Variants in PLCH1 observed in about 807,000 individuals in gnomAD.
PLCH1 encodes the protein 1-phosphatidylinositol 4,5-bisphosphate phosphodiesterase eta-1.
Under a neutral mutation model 126.7 loss-of-function variants are expected in PLCH1, and 60 were observed. The ratio of observed to expected loss-of-function variants is 0.47; its 90% CI spans 0.38 to 0.59. The LOEUF (loss-of-function observed/expected upper bound fraction) is 0.59, where lower values mean the gene tolerates loss of function less well. Among genes scored for constraint, PLCH1 ranks in the 20% least tolerant of loss-of-function variants. PLCH1 has a pLI of 0.00. For synonymous variants in PLCH1, 719 were observed against 734.9 expected (o/e 0.98, Z 0.35); for missense variants, 1,723 against 2,040.0 (o/e 0.84, Z 2.99).
chr3:155,690,017 T>A, intron 2 of PLCH1, among the ~76,000 whole-genome samples: 1 of 132,800 alleles, frequency 7.5e-6, no homozygotes, highest in African/African-American at 2.8e-5. Flanking sequence ...GAAGAAAGGA[T>A]CCTAAAAGCA....
intron 6 of PLCH1, among the ~76,000 whole-genome samples, chr3:155,571,909 C>A (rs780153633): frequency 5.3e-5 from 8 of 152,144 alleles, no homozygotes; most frequent in African/African-American, 7.2e-5. Flanking sequence ...TCCAAGTATG[C>A]GAATGTTGAA....
chr3:155,648,932 G>C (rs73007026), intron 2 of PLCH1, among the ~76,000 whole-genome samples: 2,770 of 152,306 alleles, frequency 0.018, 87 homozygotes, highest in African/African-American at 0.063. Context: ...CAATGCCCAG[G>C]GAGGGGAGGC....
rs2108115787 is a variant in PLCH1, at chr3:155,497,437, G to A, written c.1797-20C>T. On this transcript the variant is annotated intron_variant, in intron 14 of 22. Coordinates refer to ENST00000460012, the MANE Select transcript of PLCH1 (RefSeq NM_014996.4). Reference sequence around the variant, plus strand: ...CCCAATCTGTGAAGTACCCACAGAGGATGCATGACATTTTGGAGTTGAAAG... The same window carrying A: ...CCCAATCTGTGAAGTACCCACAGAGAATGCATGACATTTTGGAGTTGAAAG... 1 of 1,526,048 alleles carries A rather than the reference G, an allele frequency of 6.6e-7. No individual in the cohort carries two copies. The highest frequency in any genetic ancestry group is 1.4e-5 in the African/African-American group (1 of 73,264). 94.5% of individuals were successfully genotyped at this position (1,526,048 alleles called of 1,614,324 possible).
chr3:155,598,733 T>A (rs899398767), intron 2 of PLCH1, among the ~76,000 whole-genome samples: 1 of 152,090 alleles, frequency 6.6e-6, no homozygotes, highest in Non-Finnish European at 1.5e-5. Flanking sequence ...TCCTTATCTA[T>A]AAAATGGGAA....
At chr3:155,527,682 G>A (rs1722135604) in intron 10 of PLCH1, among the ~76,000 whole-genome samples, 1 of 151,720 alleles carries the variant, frequency 6.6e-6, no homozygotes, top group African/African-American at 2.4e-5. Context: ...TTGGGAGGCC[G>A]AGGGAGATTG....
intron 6 of PLCH1, among the ~76,000 whole-genome samples, 167 bp from the exon 7 acceptor site, chr3:155,568,491 C>T (rs1728801055): frequency 6.6e-6 from 1 of 152,116 alleles, no homozygotes; most frequent in South Asian, 2.1e-4. Context: ...GGAGAATGAC[C>T]ATGATTCAAT....
At position 155,470,444 on chromosome 3, in the gene PLCH1, A is replaced by G. The variant is rs370820879; in HGVS notation, c.2938+14912T>C. Among the ~76,000 whole-genome samples, 432 of 152,246 alleles carry G rather than the reference A, an allele frequency of 2.8e-3. 3 individuals carry two copies. Among genetic ancestry groups the G allele is most frequent in the African/African-American group, 1.0e-2 (414 of 41,550 alleles). On this transcript the variant is annotated intron_variant, in intron 21 of 21. Transcript: ENST00000494598. Reference sequence around the variant, plus strand: ...GACTATGTGAAAAGACCAAATCTACATCTGATTGGTGTACCTGAAAGTGAT... The same window carrying G: ...GACTATGTGAAAAGACCAAATCTACGTCTGATTGGTGTACCTGAAAGTGAT...
chr3:155,696,485 T>C (rs979275990), intron 2 of PLCH1, among the ~76,000 whole-genome samples: 5 of 152,144 alleles, frequency 3.3e-5, no homozygotes, highest in Admixed American at 1.3e-4. Context: ...AGATTTTTCA[T>C]CCTCCCATCA....
chr3:155,485,797 G>A (rs1714985063), intron 21 of PLCH1, 87 bp from the exon 22 acceptor site: 2 of 781,838 alleles, frequency 2.6e-6, no homozygotes, highest in Non-Finnish European at 4.1e-6. Context: ...CATGAAAAAT[G>A]AATATAAACC....
chr3:155,718,602 CA>C (rs1343225950), intron 1 of PLCH1, among the ~76,000 whole-genome samples: 1 of 152,108 alleles, frequency 6.6e-6, no homozygotes, highest in Non-Finnish European at 1.5e-5. Flanking sequence ...GAAGGTGAAG[CA>C]AAAGCAGGTG....
chr3:155,622,391 G>A (rs1292289264), intron 2 of PLCH1, among the ~76,000 whole-genome samples: 2 of 152,122 alleles, frequency 1.3e-5, no homozygotes, highest in Non-Finnish European at 2.9e-5. Flanking sequence ...ATGATGACAG[G>A]ATCAAATTCA....
At chr3:155,711,209 A>G (rs1160912519) in intron 1 of PLCH1, among the ~76,000 whole-genome samples, 1 of 152,202 alleles carries the variant, frequency 6.6e-6, no homozygotes, top group Non-Finnish European at 1.5e-5. Flanking sequence ...CATGCAGCAA[A>G]TGGACTAAAA....
At chr3:155,704,385 CCA>C in intron 1 of PLCH1, 121 bp from the exon 2 acceptor site, 1 of 396,242 alleles carries the variant, frequency 2.5e-6, no homozygotes, top group Non-Finnish European at 4.4e-6. Flanking sequence ...TACAACTTCT[CCA>C]CACATGGAGC....
intron 9 of PLCH1, among the ~76,000 whole-genome samples, chr3:155,553,510 C>T (rs573355016): frequency 1.1e-3 from 166 of 152,058 alleles, no homozygotes; most frequent in African/African-American, 3.4e-3. Flanking sequence ...CCTTAGAAAA[C>T]AGTTAACCAT....
chr3:155,710,685 T>G (rs1374927797), intron 1 of PLCH1, among the ~76,000 whole-genome samples: 1 of 151,932 alleles, frequency 6.6e-6, no homozygotes, highest in African/African-American at 2.4e-5. Context: ...ATATAAAAAT[T>G]AGCCAGTCGT....
At chr3:155,521,786 A>AAATATTTCTCC (rs11273165) in intron 11 of PLCH1, among the ~76,000 whole-genome samples, 59,605 of 151,696 alleles carry the variant, frequency 0.39, 15,133 homozygotes, top group African/African-American at 0.72. Context: ...AAACAATTTG[A>AAATATTTCTCC]AATATTTCTC....
intron 2 of PLCH1, among the ~76,000 whole-genome samples, chr3:155,598,918 G>A (rs1733348074): frequency 6.6e-6 from 1 of 152,040 alleles, no homozygotes; most frequent in Admixed American, 6.6e-5. Context: ...TTGGAGATGG[G>A]TCTTTTGAGT....
rs1318103910 is a variant in PLCH1 at position 155,481,445 on chromosome 3, C to T, written c.4581G>A (p.Ser1527=). Residue 1527 remains serine, a synonymous_variant, in exon 23 of 23, where the codon TCG becomes TCA. Transcript: ENST00000460012. This position sits in a 1 kb window ranked among gnomAD's most constrained non-coding sequence, Gnocchi z 4.2. ...CGGTCAGGGCATCTATAGGCTCTAA[C>T]GACTTTGTCTTCACAGTCACGCCCT... The part of the protein sequence containing the change: ...DKKGVTVKTK[S]LEPIDALTEQ... 1.9e-6 allele frequency: 3 copies of T among 1,614,082 alleles called. No individual in the cohort carries two copies. Among genetic ancestry groups the T allele is most frequent in the South Asian group, 1.1e-5 (1 of 91,088 alleles).
At chr3:155,503,253 C>G (rs1281267232) in intron 13 of PLCH1, among the ~76,000 whole-genome samples, 3 of 152,158 alleles carry the variant, frequency 2.0e-5, no homozygotes, top group Non-Finnish European at 4.4e-5. Flanking sequence ...AAGGTAATAA[C>G]TATTCTGATG....
Sources: gnomAD v4.1 joint callset for allele counts (sites outside exome capture counted in the v4.1 genomes callset) on GRCh38, gnomAD v4.1.1 for gene constraint, Gnocchi (gnomAD v3.1) non-coding constraint, MANE v1.5 for transcripts, NCBI Gene and HGNC (gene_info 2026-07-23, HGNC 2026-07-21) for gene names.